Variants in ZNF536 observed in about 807,000 individuals in gnomAD.
ZNF536 encodes the protein zinc finger protein 536.
A neutral mutation model predicts 84.5 loss-of-function variants in ZNF536; 13 were observed. The observed-to-expected ratio is 0.15, with a 90% confidence interval of 0.10 to 0.24. The LOEUF (loss-of-function observed/expected upper bound fraction) is 0.24. Ranked by LOEUF, ZNF536 falls within the 10% of genes least tolerant of loss-of-function variation. The probability of loss-of-function intolerance (pLI) is 1.00; values close to 1 mark genes in which losing one functional copy is unlikely to be tolerated. For missense variants in ZNF536, 1,536 were observed against 1,747.5 expected, an observed-to-expected ratio of 0.88 and a Z score of 2.16; for synonymous variants, 811 against 742.5, an observed-to-expected ratio of 1.09 and a Z score of -1.50.
chr19:30,495,645 C>T (rs2054689881), intron 2 of ZNF536, among the ~76,000 whole-genome samples: 1 of 152,198 alleles, frequency 6.6e-6, no homozygotes, highest in Non-Finnish European at 1.5e-5. Context: ...GGTTGCACAT[C>T]CAAGACAGAA....
At chr19:30,317,621 C>T (rs919538982) in intron 2 of ZNF536, among the ~76,000 whole-genome samples, 1 of 152,204 alleles carries the variant, frequency 6.6e-6, no homozygotes, top group Non-Finnish European at 1.5e-5. Context: ...GTGTCTTGGG[C>T]AGACCATTTG....
intron 1 of ZNF536, among the ~76,000 whole-genome samples, chr19:30,623,020 G>GTTTT (rs66483120): frequency 1.5e-5 from 2 of 129,538 alleles, no homozygotes; most frequent in African/African-American, 5.9e-5. Flanking sequence ...AAAATCTTGT[G>GTTTT]TTTTTTTTTT....
At chr19:30,427,565 C>T (rs1006831220) in intron 1 of ZNF536, among the ~76,000 whole-genome samples, 16 of 151,974 alleles carry the variant, frequency 1.1e-4, no homozygotes, top group African/African-American at 3.6e-4. Flanking sequence ...TGTATCTCAG[C>T]CGGTTGGCTT....
intron 1 of ZNF536, among the ~76,000 whole-genome samples, chr19:30,589,339 T>C (rs1460013187): frequency 2.0e-5 from 3 of 152,226 alleles, no homozygotes; most frequent in Non-Finnish European, 4.4e-5. Flanking sequence ...AAGGCAGCGA[T>C]GTTGACTCTT....
At chr19:30,634,231 G>A (rs966466411) in intron 1 of ZNF536, among the ~76,000 whole-genome samples, 4 of 152,178 alleles carry the variant, frequency 2.6e-5, no homozygotes, top group Admixed American at 6.5e-5. Flanking sequence ...TTGTTGTGCC[G>A]TAAGTTAGCA....
intron 1 of ZNF536, among the ~76,000 whole-genome samples, chr19:30,432,358 G>C (rs2051511664): frequency 6.6e-6 from 1 of 152,108 alleles, no homozygotes; most frequent in Non-Finnish European, 1.5e-5. Context: ...ATGAGCTGCA[G>C]ACAGGAGGCT....
chr19:30,349,488 A>C (rs2146686485), intron 2 of ZNF536, among the ~76,000 whole-genome samples: 1 of 152,314 alleles, frequency 6.6e-6, no homozygotes, highest in Non-Finnish European at 1.5e-5. Context: ...AGCCAAGCTC[A>C]GGTGTCCTGT....
chr19:30,562,417 C>A (rs766253931), downstream of ZNF536, among the ~76,000 whole-genome samples: 1 of 152,034 alleles, frequency 6.6e-6, no homozygotes, highest in Non-Finnish European at 1.5e-5. Flanking sequence ...TAGAAGAAGA[C>A]CATTGAGGAT....
intron 2 of ZNF536, among the ~76,000 whole-genome samples, chr19:30,447,847 A>G (rs767328339): frequency 1.2e-4 from 19 of 152,286 alleles, no homozygotes; most frequent in Non-Finnish European, 2.6e-4. Flanking sequence ...ACAGATTTCC[A>G]TCCCTCTCTC....
chr19:30,620,923 T>A (rs1306652438), intron 1 of ZNF536, among the ~76,000 whole-genome samples: 1 of 152,074 alleles, frequency 6.6e-6, no homozygotes, highest in Non-Finnish European at 1.5e-5. Context: ...TCACCTGTAC[T>A]AGGATTCCAT....
intron 1 of ZNF536, among the ~76,000 whole-genome samples, chr19:30,616,482 C>T (rs924046539): frequency 6.6e-6 from 1 of 152,068 alleles, no homozygotes; most frequent in African/African-American, 2.4e-5. Flanking sequence ...TATATTAAAA[C>T]CTCTTTTTAT....
chr19:30,299,567 A>G (rs1193448806), intron 2 of ZNF536, among the ~76,000 whole-genome samples: 2 of 152,156 alleles, frequency 1.3e-5, no homozygotes, highest in South Asian at 2.1e-4. Flanking sequence ...TAGATTTTAT[A>G]TATAATAATA....
intron 2 of ZNF536, among the ~76,000 whole-genome samples, chr19:30,315,165 T>C (rs2146157568): frequency 6.6e-6 from 1 of 152,366 alleles, no homozygotes; most frequent in South Asian, 2.1e-4. Flanking sequence ...AGAAGCTTGC[T>C]CAGCACATAA....
chr19:30,471,166 G>A (rs1265843535), intron 2 of ZNF536, among the ~76,000 whole-genome samples: 1 of 152,130 alleles, frequency 6.6e-6, no homozygotes, highest in African/African-American at 2.4e-5. Flanking sequence ...CTGGAGTTAT[G>A]GGAGGAAGTT....
intron 1 of ZNF536, among the ~76,000 whole-genome samples, chr19:30,709,109 G>A (rs1231221808): frequency 1.3e-5 from 2 of 152,092 alleles, no homozygotes; most frequent in African/African-American, 4.8e-5. Context: ...CCAGTTCCTC[G>A]AGATGGTAGA....
At chr19:30,630,729 G>T (rs1472339146) in intron 1 of ZNF536, among the ~76,000 whole-genome samples, 1 of 152,160 alleles carries the variant, frequency 6.6e-6, no homozygotes, top group Non-Finnish European at 1.5e-5. Context: ...TCACTGTCAG[G>T]ACTTGCTACT....
intron 1 of ZNF536, among the ~76,000 whole-genome samples, chr19:30,386,598 G>A (rs1333319901): frequency 6.6e-6 from 1 of 152,168 alleles, no homozygotes; most frequent in African/African-American, 2.4e-5. Context: ...GGCTGTTCTT[G>A]AACTCCAGAG....
chr19:30,520,953 C>T (rs988930655), intron 2 of ZNF536, among the ~76,000 whole-genome samples: 8 of 152,232 alleles, frequency 5.3e-5, no homozygotes, highest in Non-Finnish European at 8.8e-5. Flanking sequence ...CGGCCATTGC[C>T]TGGTCAGTGG....
chr19:30,562,297 T>C (rs1599815365), downstream of ZNF536, among the ~76,000 whole-genome samples: 1 of 152,082 alleles, frequency 6.6e-6, no homozygotes, highest in Non-Finnish European at 1.5e-5. Flanking sequence ...TATGTTCTGG[T>C]TTCCCACAAG....
Sources: allele counts gnomAD v4.1 joint callset (sites outside exome capture counted in the v4.1 genomes callset), GRCh38; gene constraint gnomAD v4.1.1; transcripts MANE v1.5; gene names NCBI Gene and HGNC (gene_info 2026-07-23, HGNC 2026-07-21).